LEO1: variants seen among roughly 807,000 people sequenced by gnomAD.
LEO1 encodes LEO1 component of Paf1/RNA polymerase II complex, also known as RNA polymerase-associated protein LEO1.
LEO1 carries 34 observed loss-of-function variants against 80.4 expected under a neutral mutation model. The observed-to-expected ratio is 0.42, with a 90% CI of 0.32 to 0.56. The LOEUF is 0.56. Among genes scored for constraint, LEO1 ranks in the 20% least tolerant of loss-of-function variants. LEO1 has a pLI of 0.10. For missense variants in LEO1, 631 were observed against 814.2 expected (o/e 0.77, Z 2.74); for synonymous variants, 262 against 274.9 (o/e 0.95, Z 0.46).
intron 11 of LEO1, among the ~76,000 whole-genome samples, chr15:51,942,255 G>A (rs2056859101): frequency 6.6e-6 from 1 of 152,178 alleles, no homozygotes; most frequent in African/African-American, 2.4e-5. Context: ...GTCAGGGAAG[G>A]AAAGGGAAGA....
chr15:51,942,990 C>T (rs1355240394), intron 11 of LEO1, among the ~76,000 whole-genome samples: 6 of 149,680 alleles, frequency 4.0e-5, no homozygotes, highest in East Asian at 4.0e-4. Flanking sequence ...CAGTGGCTCA[C>T]GCCTGTAATC....
At chr15:51,945,580 A>G (rs189131225) in intron 11 of LEO1, among the ~76,000 whole-genome samples, 4 of 152,302 alleles carry the variant, frequency 2.6e-5, no homozygotes, top group East Asian at 3.8e-4. Context: ...AGCATTCTCT[A>G]TATCGTTTTC....
intron 6 of LEO1, among the ~76,000 whole-genome samples, chr15:51,956,098 T>G (rs1210530119): frequency 6.6e-6 from 1 of 152,166 alleles, no homozygotes; most frequent in Non-Finnish European, 1.5e-5. Context: ...CTGTCTTCCA[T>G]CTCATACAAT....
intron 1 of LEO1, 87 bp from the exon 2 acceptor site, chr15:51,966,591 G>T: frequency 1.3e-6 from 1 of 758,570 alleles, no homozygotes; most frequent in Non-Finnish European, 2.2e-6. Flanking sequence ...TAAAAGCAAT[G>T]AAGAAACTGG....
intron 9 of LEO1, among the ~76,000 whole-genome samples, 195 bp downstream of exon 9, chr15:51,951,649 C>G (rs1209188488): frequency 1.3e-5 from 2 of 152,174 alleles, no homozygotes; most frequent in Non-Finnish European, 2.9e-5. Context: ...GAACCTGAGC[C>G]CTGTTTCTGT....
chr15:51,949,476 G>C (rs2056928836), intron 10 of LEO1, among the ~76,000 whole-genome samples: 1 of 152,124 alleles, frequency 6.6e-6, no homozygotes. Flanking sequence ...AAGGCGGGCA[G>C]ATCACTTGAG....
At chr15:51,938,579 T>G (rs1955088720) in intron 11 of LEO1, among the ~76,000 whole-genome samples, 1 of 152,226 alleles carries the variant, frequency 6.6e-6, no homozygotes, top group Non-Finnish European at 1.5e-5. Context: ...TTCTCAAATT[T>G]TTTTTCTCTG....
At chr15:51,971,240 C>T (rs2057120359) in intron 1 of LEO1, among the ~76,000 whole-genome samples, 1 of 152,208 alleles carries the variant, frequency 6.6e-6, no homozygotes, top group South Asian at 2.1e-4. Flanking sequence ...CCTATCACAC[C>T]ATGCTCTGGT....
chr15:51,954,212 C>G (rs138108227), intron 7 of LEO1, among the ~76,000 whole-genome samples: 2 of 151,084 alleles, frequency 1.3e-5, no homozygotes, highest in Non-Finnish European at 3.0e-5. Flanking sequence ...CGTGAGCCAC[C>G]GTGCCTGGCT....
intron 2 of LEO1, among the ~76,000 whole-genome samples, chr15:51,964,175 C>T (rs1444139270): frequency 6.6e-6 from 1 of 151,462 alleles, no homozygotes; most frequent in South Asian, 2.1e-4. Flanking sequence ...CACTACACTC[C>T]AGCCTGGGAG....
chr15:51,939,968 A>AG (rs2056834428), intron 11 of LEO1, among the ~76,000 whole-genome samples: 2 of 152,212 alleles, frequency 1.3e-5, no homozygotes, highest in Admixed American at 6.5e-5. Flanking sequence ...AAGCCTGCCA[A>AG]GGACCGGCCG....
chr15:51,945,619 C>T (rs1433134867), intron 11 of LEO1, among the ~76,000 whole-genome samples: 6 of 152,202 alleles, frequency 3.9e-5, no homozygotes, highest in Admixed American at 3.9e-4. Context: ...TATCACTTTT[C>T]ACCATCTGTT....
chr15:51,947,358 AC>A lies in LEO1; in HGVS notation c.1829del (p.Ser610MetfsTer47). On this transcript the variant is annotated frameshift_variant, in exon 11 of 12. Transcript: ENST00000299601. LOFTEE classifies it high-confidence loss of function. Reference protein sequence around the residue: ...EERARIYSSDSDEGSEEDKAQ... With the variant: ...EERARIYSSDXDEGSEEDKAQ... ...CTTTATCTTCTTCTGATCCCTCATCACTGTCTGATGAATAGATTCTGGCTCG... is the reference window on the plus strand; with the variant it reads ...CTTTATCTTCTTCTGATCCCTCATCATGTCTGATGAATAGATTCTGGCTCG... The A allele has an allele frequency of 6.2e-7, 1 of 1,612,984 alleles. No homozygotes were observed. Among genetic ancestry groups the A allele is most frequent in the South Asian group, 1.1e-5 (1 of 91,046 alleles).
chr15:51,940,708 G>C (rs1429448169), intron 11 of LEO1, among the ~76,000 whole-genome samples: 1 of 152,088 alleles, frequency 6.6e-6, no homozygotes, highest in African/African-American at 2.4e-5. Context: ...CTTGAGGCCA[G>C]GAGTTTGAGT....
chr15:51,946,049 G>T (rs1171137952), intron 11 of LEO1, among the ~76,000 whole-genome samples: 2 of 151,352 alleles, frequency 1.3e-5, no homozygotes, highest in African/African-American at 2.4e-5. Context: ...AAAAGAAAAA[G>T]AAAAATTCTC....
At chr15:51,954,365 G>C (rs2056971976) in intron 7 of LEO1, 116 bp downstream of exon 7, 1 of 672,438 alleles carries the variant, frequency 1.5e-6, no homozygotes, top group Non-Finnish European at 2.6e-6. Context: ...ATGGGCAACA[G>C]AGTGAGACCC....
Position 51,949,923 on chromosome 15 carries a change from G to C in LEO1, c.1683C>G (p.His561Gln). 1.9e-6 allele frequency: 3 copies of C among 1,613,884 alleles called. No individual in the cohort carries two copies. The highest frequency in any genetic ancestry group is 1.7e-5 in the Admixed American group (1 of 59,998). Residue 561 changes from histidine (H) to glutamine (Q), a missense_variant, in exon 10 of 12, where the codon CAC becomes CAG. This residue lies in a region of LEO1 where 117 missense variants were observed against 163.5 expected (regional missense o/e 0.72). Coordinates refer to ENST00000299601, the MANE Select transcript of LEO1 (RefSeq NM_138792.4). Reference protein sequence around the residue: ...SQQRRMREKQHQRGLSASYLE... With the variant: ...SQQRRMREKQQQRGLSASYLE... The stretch of plus-strand genomic sequence containing the variant: ...GGTAACTGGCGCTCAGCCCCCGCTG[G>C]TGCTGTTTCTCTCTCATTCGGCGCT...
In LEO1 at chr15:51,960,533, A is replaced by G. The variant is rs2057021689; in HGVS notation, c.1014+106T>C. 4 of 679,828 alleles carry G rather than the reference A, an allele frequency of 5.9e-6. No individual in the cohort carries two copies. The South Asian group carries it at 7.0e-5, about 12-fold the overall frequency. The allele number at this position is 679,828 out of a possible 1,614,324, so 42.1% of individuals were successfully genotyped here. A position where few individuals can be genotyped will look rare whatever the true frequency, so the allele number is the denominator to read the frequency against. ...AAAGTCATCTGTTCATGGTATTTTCATACTAGAATTCAGTTATCAACTTCC... is the reference window on the plus strand; with the variant it reads ...AAAGTCATCTGTTCATGGTATTTTCGTACTAGAATTCAGTTATCAACTTCC... On this transcript the variant is annotated intron_variant, in intron 4 of 11. Coordinates refer to ENST00000299601, the MANE Select transcript of LEO1 (RefSeq NM_138792.4).
At chr15:51,950,167 G>A (rs538910013) in intron 9 of LEO1, among the ~76,000 whole-genome samples, 173 bp from the exon 10 acceptor site, 10 of 152,308 alleles carry the variant, frequency 6.6e-5, no homozygotes, top group African/African-American at 2.2e-4. Context: ...TGGTTTGCAG[G>A]AGCAAAGGCA....
Sources: gnomAD v4.1 joint callset for allele counts (sites outside exome capture counted in the v4.1 genomes callset) on GRCh38, gnomAD v4.1.1 for gene constraint, gnomAD v4.1.1 regional missense constraint, MANE v1.5 for transcripts, NCBI Gene and HGNC (gene_info 2026-07-23, HGNC 2026-07-21) for gene names.